The following UBE4A variants were observed in gnomAD, a reference collection of about 807,000 sequenced individuals.
The protein encoded by UBE4A is ubiquitination factor E4A, also known as ubiquitin conjugation factor E4 A.
A neutral mutation model predicts 117.9 loss-of-function variants in UBE4A; 48 were observed. The ratio of observed to expected loss-of-function variants is 0.41; its 90% CI spans 0.32 to 0.52. The LOEUF (loss-of-function observed/expected upper bound fraction) is 0.52. Ranked by LOEUF, UBE4A falls within the 20% of genes least tolerant of loss-of-function variation. UBE4A has a pLI of 0.33. For missense variants in UBE4A, 1,067 were observed against 1,296.3 expected (o/e 0.82, Z 2.72); for synonymous variants, 407 against 450.0 (o/e 0.90, Z 1.21).
intron 10 of UBE4A, among the ~76,000 whole-genome samples, chr11:118,377,178 C>T (rs546071590): frequency 6.6e-6 from 1 of 152,228 alleles, no homozygotes; most frequent in South Asian, 2.1e-4. Flanking sequence ...CAGCTTTGTC[C>T]AGATTCCTTA....
chr11:118,369,438 A>C lies in UBE4A; in HGVS notation c.311A>C (p.Lys104Thr). Residue 104 changes from lysine to threonine, a missense_variant, in exon 4 of 20, where the codon AAA becomes ACA. Lys to Thr is a moderately conservative substitution (Grantham distance 78). Around this residue, in one of 3 missense-constraint regions of UBE4A, gnomAD observed 1,001 missense variants for 1,184.0 expected, o/e 0.85. Coordinates refer to ENST00000252108, the MANE Select transcript of UBE4A (RefSeq NM_001204077.2). ...CATTTCCCAGGTGATCCCAGCTTGA[A>C]AAGCGGGAATGGCATCCCTAGCCGT... is the stretch of plus-strand genomic sequence containing the variant. ...ITLDNSDPSL[K>T]SGNGIPSRCV... 1 of 1,614,112 alleles carries C rather than the reference A, an allele frequency of 6.2e-7. No individual in the cohort carries two copies. Among genetic ancestry groups the C allele is most frequent in the Non-Finnish European group, 8.5e-7 (1 of 1,179,952 alleles).
intron 10 of UBE4A, among the ~76,000 whole-genome samples, chr11:118,377,376 T>C (rs561780459): frequency 9.1e-4 from 138 of 152,022 alleles, no homozygotes; most frequent in South Asian, 1.5e-3. Context: ...CCCAGCTGAT[T>C]TTGTATTTTT....
chr11:118,361,315 C>T (rs532368896), intron 1 of UBE4A, among the ~76,000 whole-genome samples: 71 of 152,166 alleles, frequency 4.7e-4, no homozygotes, highest in African/African-American at 1.6e-3. Context: ...CTACTGCGCC[C>T]GGCGCTGAAA....
chr11:118,368,900 C>A, intron 3 of UBE4A, 96 bp downstream of exon 3: 3 of 1,272,898 alleles, frequency 2.4e-6, no homozygotes, highest in Non-Finnish European at 3.3e-6. Flanking sequence ...TGGTTAGATA[C>A]AAACCTACTC....
intron 2 of UBE4A, among the ~76,000 whole-genome samples, chr11:118,366,157 A>G (rs1948561085): frequency 6.6e-6 from 1 of 151,756 alleles, no homozygotes; most frequent in Non-Finnish European, 1.5e-5. Context: ...CAGATAAGTG[A>G]TTGATGCAAG....
Position 118,397,955 on chromosome 11 carries a change from C to A in UBE4A, c.*1515C>A, listed in dbSNP as rs2134120110. 2 of 152,538 alleles carry A rather than the reference C, an allele frequency of 1.3e-5. No homozygotes were observed. Among genetic ancestry groups the A allele is most frequent in the South Asian group, 4.1e-4 (2 of 4,826 alleles). 9.4% of individuals were successfully genotyped at this position (152,538 alleles called of 1,614,324 possible). A position where few individuals can be genotyped will look rare whatever the true frequency, so the allele number is the denominator to read the frequency against. Reference sequence around the variant, plus strand: ...AAAATGAAAAAGGAAATTGAGGACACTTTTGCAAATGCCAGAATGTAAGAT... The same window carrying A: ...AAAATGAAAAAGGAAATTGAGGACAATTTTGCAAATGCCAGAATGTAAGAT... On this transcript the variant is annotated 3_prime_UTR_variant, in exon 20 of 20. Transcript: ENST00000252108.
intron 19 of UBE4A, among the ~76,000 whole-genome samples, chr11:118,395,213 C>T (rs941047801): frequency 7.9e-5 from 12 of 151,320 alleles, no homozygotes; most frequent in Non-Finnish European, 1.2e-4. Context: ...CCTGTAGTCC[C>T]AGCTACTCGG....
chr11:118,377,065 G>A (rs543475836), intron 10 of UBE4A, among the ~76,000 whole-genome samples: 3 of 151,944 alleles, frequency 2.0e-5, no homozygotes, highest in South Asian at 2.1e-4. Context: ...AAAAAAAAAA[G>A]AGAGGAAGAG....
At chr11:118,393,930 C>T (rs1481638398) in intron 19 of UBE4A, among the ~76,000 whole-genome samples, 1 of 152,006 alleles carries the variant, frequency 6.6e-6, no homozygotes, top group African/African-American at 2.4e-5. Context: ...ACTATATTCA[C>T]CATGTGGATT....
intron 18 of UBE4A, among the ~76,000 whole-genome samples, chr11:118,392,236 G>A (rs1410632713): frequency 6.6e-6 from 1 of 152,152 alleles, no homozygotes; most frequent in African/African-American, 2.4e-5. Flanking sequence ...AGCTTAGCCA[G>A]GTGGATCCCT....
At chr11:118,366,011 T>C (rs1046882902) in intron 2 of UBE4A, among the ~76,000 whole-genome samples, 1 of 152,108 alleles carries the variant, frequency 6.6e-6, no homozygotes, top group African/African-American at 2.4e-5. Context: ...ATAGTGTTTT[T>C]CTTTTGAGAG....
Position 118,372,544 on chromosome 11 carries a change from T to G in UBE4A, c.599T>G (p.Val200Gly). Residue 200 changes from valine (V) to glycine (G), a missense_variant, in exon 6 of 20, where the codon GTG becomes GGG. By Grantham distance (109) the Val-to-Gly change is moderately radical. Coordinates refer to ENST00000252108, the MANE Select transcript of UBE4A (RefSeq NM_001204077.2). ...CCAGAGAACCTGCTACCCTTTGCAG[T>G]GCAGTGCAGAAACCTCACTGTGTCC... The part of the protein sequence containing the change: ...KVPENLLPFA[V>G]QCRNLTVSNT... 2 of 1,613,514 alleles carry G rather than the reference T, an allele frequency of 1.2e-6. No homozygotes were observed. The highest frequency in any genetic ancestry group is 1.7e-6 in the Non-Finnish European group (2 of 1,179,884).
chr11:118,368,986 G>T (rs991829470), intron 3 of UBE4A, among the ~76,000 whole-genome samples, 182 bp downstream of exon 3: 2 of 152,178 alleles, frequency 1.3e-5, no homozygotes, highest in Non-Finnish European at 2.9e-5. Flanking sequence ...TTTAGATGCA[G>T]ATCTAACTTT....
At chr11:118,375,369 T>C (rs1948643201) in intron 9 of UBE4A, 140 bp downstream of exon 9, 1 of 825,840 alleles carries the variant, frequency 1.2e-6, no homozygotes, top group Non-Finnish European at 1.7e-6. Flanking sequence ...TTTTTTTTTC[T>C]TTTTTTTTGA....
intron 13 of UBE4A, among the ~76,000 whole-genome samples, chr11:118,383,893 A>G (rs1555126751): frequency 1.3e-5 from 2 of 152,220 alleles, no homozygotes; most frequent in African/African-American, 4.8e-5. Flanking sequence ...ATTAAGTGAA[A>G]TAATGCATGT....
At chr11:118,395,550 T>C (rs1039636309) in intron 19 of UBE4A, among the ~76,000 whole-genome samples, 4 of 152,234 alleles carry the variant, frequency 2.6e-5, no homozygotes, top group Non-Finnish European at 5.9e-5. Flanking sequence ...AATCTGCATG[T>C]ACTTGCATAA....
chr11:118,388,365 G>A (rs941581756), intron 16 of UBE4A, among the ~76,000 whole-genome samples: 18 of 152,022 alleles, frequency 1.2e-4, no homozygotes, highest in Non-Finnish European at 2.2e-4. Context: ...AAGAAGAAGC[G>A]ATAGGCCAGG....
intron 3 of UBE4A, among the ~76,000 whole-genome samples, chr11:118,369,036 G>A (rs1188055538): frequency 6.6e-6 from 1 of 152,090 alleles, no homozygotes; most frequent in South Asian, 2.1e-4. Flanking sequence ...ATAGCTACTT[G>A]CCTTTACTAC....
chr11:118,368,912 C>A, intron 3 of UBE4A, 108 bp downstream of exon 3: 1 of 1,120,776 alleles, frequency 8.9e-7, no homozygotes, highest in Non-Finnish European at 1.3e-6. Flanking sequence ...AACCTACTCA[C>A]TGCACTCCCT....
Sources: gnomAD v4.1 joint callset for allele counts (sites outside exome capture counted in the v4.1 genomes callset) on GRCh38, gnomAD v4.1.1 for gene constraint, gnomAD v4.1.1 regional missense constraint, MANE v1.5 for transcripts, NCBI Gene and HGNC (gene_info 2026-07-23, HGNC 2026-07-21) for gene names.